The following CTNNA3 variants were observed in gnomAD, a reference collection of about 807,000 sequenced individuals.
CTNNA3 encodes the protein catenin alpha-3.
Under a neutral mutation model 95.7 loss-of-function variants are expected in CTNNA3, and 76 were observed. That is an observed-to-expected ratio of 0.79 (90% CI 0.66 to 0.96). The LOEUF is 0.96. Ranked by LOEUF, CTNNA3 falls within the 40% of genes least tolerant of loss-of-function variation. The probability of loss-of-function intolerance (pLI) is 0.00; values close to 1 mark genes in which losing one functional copy is unlikely to be tolerated. For synonymous variants in CTNNA3, 431 were observed against 374.4 expected, an observed-to-expected ratio of 1.15 and a Z score of -1.74; for missense variants, 1,191 against 1,089.8, an observed-to-expected ratio of 1.09 and a Z score of -1.31.
At chr10:66,465,135 C>T (rs1195015555) in intron 11 of CTNNA3, among the ~76,000 whole-genome samples, 4 of 152,058 alleles carry the variant, frequency 2.6e-5, no homozygotes, top group African/African-American at 7.2e-5. Flanking sequence ...TAGAAGCTAA[C>T]AAAATGTCCC....
chr10:67,597,335 G>A (rs1479014810), intron 3 of CTNNA3, among the ~76,000 whole-genome samples: 1 of 152,202 alleles, frequency 6.6e-6, no homozygotes, highest in East Asian at 1.9e-4. Context: ...AGAATACATT[G>A]ACTTTTAGAG....
chr10:66,096,526 C>CTTTTTTTTT (rs5785749), intron 14 of CTNNA3, among the ~76,000 whole-genome samples: 1 of 135,418 alleles, frequency 7.4e-6, no homozygotes. Context: ...TCTTTTCTTT[C>CTTTTTTTTT]TTTTTTTTTT....
At chr10:66,805,494 C>T (rs1321529529) in intron 7 of CTNNA3, among the ~76,000 whole-genome samples, 2 of 148,510 alleles carry the variant, frequency 1.3e-5, no homozygotes, top group Admixed American at 6.8e-5. Context: ...CATATATATA[C>T]ATATATATTT....
In CTNNA3 at chr10:65,913,315, C is replaced by T. The variant is rs1357732754; in HGVS notation, c.*7015G>A. On this transcript the variant is annotated 3_prime_UTR_variant, in exon 18 of 18. Transcript: ENST00000433211. ...CTAGAAGTTTTAATTCATATTTAAT[C>T]ACCCAACTTGCCCAAGAAAATTTTG... 6.6e-6 allele frequency: 1 copy of T among 152,100 alleles called. No individual in the cohort carries two copies. Among genetic ancestry groups the T allele is most frequent in the Non-Finnish European group, 1.5e-5 (1 of 68,020 alleles). 9.4% of individuals were successfully genotyped at this position (152,100 alleles called of 1,614,324 possible).
At chr10:67,174,040 T>C (rs1252111872) in intron 7 of CTNNA3, among the ~76,000 whole-genome samples, 1 of 152,220 alleles carries the variant, frequency 6.6e-6, no homozygotes, top group African/African-American at 2.4e-5. Context: ...ACCTCTGTAT[T>C]GATTGCTCTC....
In CTNNA3 at chr10:66,938,959, C is replaced by T. The variant is rs558292475; in HGVS notation, c.1048-163435G>A. ...ACATCCTCCTGAGAAAGGTCCTTTG[C>T]TCTTTAGCTTGGATGTCTCCTTATC... On this transcript the variant is annotated intron_variant, in intron 7 of 17. Transcript: ENST00000433211. Among the ~76,000 whole-genome samples, 9 of 152,282 alleles carry T rather than the reference C, an allele frequency of 5.9e-5. No individual in the cohort carries two copies. In the East Asian group the frequency reaches 9.7e-4, roughly 16 times the overall value.
rs1454243000 is a variant in CTNNA3, at chr10:66,927,955, C to A, written c.1048-152431G>T. ...TATCTGTGCCAGTCCCAAAGAGCTG[C>A]AAGGAGTAAATGTGATCGATGCAGT... On this transcript the variant is annotated intron_variant, in intron 7 of 17. Transcript: ENST00000433211. This position sits in a 1 kb window ranked among gnomAD's most constrained non-coding sequence, Gnocchi z 4.7. The A allele has an allele frequency of 1.9e-6, 3 of 1,614,212 alleles. No homozygotes were observed. The highest frequency in any genetic ancestry group is 2.5e-6 in the Non-Finnish European group (3 of 1,180,044).
intron 9 of CTNNA3, among the ~76,000 whole-genome samples, chr10:66,748,515 C>T (rs956765330): frequency 3.9e-5 from 6 of 152,108 alleles, no homozygotes; most frequent in African/African-American, 1.4e-4. Flanking sequence ...AACAAAAATG[C>T]TTAAATCATA....
intron 7 of CTNNA3, among the ~76,000 whole-genome samples, chr10:67,028,147 A>G (rs1886725): frequency 0.9 from 137,419 of 152,232 alleles, 62,461 homozygotes; most frequent in South Asian, 0.97. Flanking sequence ...GCTGCACTGC[A>G]TTGGACAACT....
chr10:67,206,382 T>C (rs1368885451), intron 6 of CTNNA3, among the ~76,000 whole-genome samples: 1 of 152,188 alleles, frequency 6.6e-6, no homozygotes, highest in Non-Finnish European at 1.5e-5. Context: ...ATTGTTTTCC[T>C]TTGTGAAGGG....
chr10:66,046,310 C>T (rs1463128474), intron 15 of CTNNA3, among the ~76,000 whole-genome samples: 5 of 152,146 alleles, frequency 3.3e-5, no homozygotes, highest in Admixed American at 1.3e-4. Context: ...CAGACAGAGA[C>T]ACTTGGAGTC....
intron 5 of CTNNA3, among the ~76,000 whole-genome samples, chr10:67,404,852 A>G (rs1381673094): frequency 1.3e-5 from 2 of 152,226 alleles, no homozygotes; most frequent in African/African-American, 4.8e-5. Context: ...CATTGGACTA[A>G]CAGTGGACCT....
intron 10 of CTNNA3, among the ~76,000 whole-genome samples, chr10:66,537,868 G>C (rs1841714678): frequency 6.7e-6 from 1 of 149,346 alleles, no homozygotes; most frequent in South Asian, 2.1e-4. Context: ...CCTCAAAGCA[G>C]AAAAAAAAAG....
chr10:67,041,156 G>C (rs966202169), intron 7 of CTNNA3, among the ~76,000 whole-genome samples: 8 of 152,166 alleles, frequency 5.3e-5, no homozygotes, highest in Non-Finnish European at 1.0e-4. Flanking sequence ...AGCCAAAAAT[G>C]GTTCCTGATC....
intron 5 of CTNNA3, among the ~76,000 whole-genome samples, chr10:67,487,336 T>C (rs532311385): frequency 6.6e-6 from 1 of 152,054 alleles, no homozygotes; most frequent in South Asian, 2.1e-4. Flanking sequence ...CATCCTAGGA[T>C]CACCTCCTGT....
At chr10:66,571,507 G>T (rs927357216) in intron 10 of CTNNA3, among the ~76,000 whole-genome samples, 8 of 152,170 alleles carry the variant, frequency 5.3e-5, no homozygotes, top group African/African-American at 1.7e-4. Context: ...AAAGGCACAT[G>T]GCTGAGCAGT....
chr10:67,155,964 T>G (rs1470144161), intron 7 of CTNNA3, among the ~76,000 whole-genome samples: 1 of 152,142 alleles, frequency 6.6e-6, no homozygotes, highest in Non-Finnish European at 1.5e-5. Context: ...TGATTCAATC[T>G]CTATACTAGT....
At chr10:67,751,578 TGAA>T (rs985377555) in intron 1 of CTNNA3, among the ~76,000 whole-genome samples, 11 of 151,624 alleles carry the variant, frequency 7.3e-5, no homozygotes, top group African/African-American at 1.7e-4. Flanking sequence ...ACTAGACTAA[TGAA>T]GAAGAAGACA....
intron 10 of CTNNA3, among the ~76,000 whole-genome samples, chr10:66,539,747 G>T (rs1244959248): frequency 6.6e-6 from 1 of 152,046 alleles, no homozygotes; most frequent in Non-Finnish European, 1.5e-5. Flanking sequence ...GGGTTCCTGA[G>T]ATTTTAAATT....
Sources: allele counts gnomAD v4.1 joint callset (sites outside exome capture counted in the v4.1 genomes callset), GRCh38; gene constraint gnomAD v4.1.1; non-coding constraint Gnocchi (gnomAD v3.1); transcripts MANE v1.5; gene names NCBI Gene and HGNC (gene_info 2026-07-23, HGNC 2026-07-21).